Variants in CACNA2D3 observed in about 807,000 individuals in gnomAD.
CACNA2D3 encodes the protein calcium voltage-gated channel auxiliary subunit alpha2delta 3.
In CACNA2D3, 60 loss-of-function variants were observed where a neutral mutation model predicts 160.6. That is an observed-to-expected ratio of 0.37 (90% CI 0.30 to 0.46). The LOEUF (loss-of-function observed/expected upper bound fraction) is 0.46. Ranked by LOEUF, CACNA2D3 falls within the 20% of genes least tolerant of loss-of-function variation. The pLI, the probability that CACNA2D3 is intolerant of heterozygous loss-of-function variation, is 1.00. For missense variants in CACNA2D3, 1,205 were observed against 1,365.0 expected, an observed-to-expected ratio of 0.88 and a Z score of 1.85; for synonymous variants, 558 against 492.9, an observed-to-expected ratio of 1.13 and a Z score of -1.75.
At chr3:54,728,912 A>C (rs1055609623) in intron 11 of CACNA2D3, among the ~76,000 whole-genome samples, 1 of 152,092 alleles carries the variant, frequency 6.6e-6, no homozygotes, top group Non-Finnish European at 1.5e-5. Flanking sequence ...GCTGCTTTCT[A>C]CTTGGTTTTA....
intron 27 of CACNA2D3, among the ~76,000 whole-genome samples, chr3:54,933,051 C>T (rs897461174): frequency 2.9e-5 from 4 of 139,542 alleles, no homozygotes; most frequent in African/African-American, 5.4e-5. Flanking sequence ...ATCCATCCCT[C>T]CCTTCCTTCC....
chr3:54,683,617 C>T (rs920045156), intron 11 of CACNA2D3, among the ~76,000 whole-genome samples: 3 of 152,098 alleles, frequency 2.0e-5, no homozygotes, highest in African/African-American at 7.2e-5. Context: ...GGAAAGCGAC[C>T]CTCCAGTGTT....
intron 2 of CACNA2D3, among the ~76,000 whole-genome samples, chr3:54,213,761 A>G (rs1319178003): frequency 7.2e-5 from 11 of 152,230 alleles, no homozygotes; most frequent in African/African-American, 2.7e-4. Flanking sequence ...ATGGGGATTC[A>G]TAATGCAGAA....
At chr3:54,160,138 G>A (rs1700315480) in intron 2 of CACNA2D3, among the ~76,000 whole-genome samples, 1 of 152,166 alleles carries the variant, frequency 6.6e-6, no homozygotes. Flanking sequence ...CACATGGTCT[G>A]CACAGGAGAA....
chr3:54,662,285 C>CT (rs1210291199), intron 11 of CACNA2D3, among the ~76,000 whole-genome samples: 2 of 152,110 alleles, frequency 1.3e-5, no homozygotes, highest in African/African-American at 4.8e-5. Flanking sequence ...ATAACTCAAA[C>CT]TTTCATGGAT....
At chr3:54,516,339 C>T (rs1349857176) in intron 5 of CACNA2D3, among the ~76,000 whole-genome samples, 5 of 152,136 alleles carry the variant, frequency 3.3e-5, no homozygotes, top group Non-Finnish European at 7.3e-5. Flanking sequence ...AAAGTGCCAC[C>T]GTCTGAACTC....
chr3:54,282,529 A>G (rs1184533593), intron 2 of CACNA2D3, among the ~76,000 whole-genome samples: 1 of 152,188 alleles, frequency 6.6e-6, no homozygotes, highest in African/African-American at 2.4e-5. Context: ...AGGAATGGAA[A>G]CTTAGAAGTC....
intron 27 of CACNA2D3, chr3:54,924,685 T>C (rs375455022): frequency 1.9e-6 from 3 of 1,614,136 alleles, no homozygotes; most frequent in Non-Finnish European, 1.7e-6. Context: ...TTCCAGAGGT[T>C]GTCCTTGAGA....
At chr3:54,742,979 A>G (rs1701684187) in intron 11 of CACNA2D3, among the ~76,000 whole-genome samples, 1 of 152,254 alleles carries the variant, frequency 6.6e-6, no homozygotes, top group African/African-American at 2.4e-5. Context: ...TAGAGAAAGT[A>G]AAATCTCAAC....
At chr3:54,461,785 G>C (rs1254191246) in intron 4 of CACNA2D3, among the ~76,000 whole-genome samples, 1 of 151,884 alleles carries the variant, frequency 6.6e-6, no homozygotes, top group Admixed American at 6.5e-5. Flanking sequence ...CTTCAGTTCT[G>C]CTCTGATTTT....
At chr3:54,944,179 A>G (rs1201549843) in intron 27 of CACNA2D3, among the ~76,000 whole-genome samples, 1 of 151,848 alleles carries the variant, frequency 6.6e-6, no homozygotes, top group African/African-American at 2.4e-5. Flanking sequence ...CATGTTCATT[A>G]TGCCAGGATG....
At chr3:54,638,528 A>G (rs1470960529) in intron 10 of CACNA2D3, 2 of 152,014 alleles carry the variant, frequency 1.3e-5, no homozygotes, top group East Asian at 3.9e-4. Context: ...CGGCCTGGCA[A>G]GGAGCAGCCT....
intron 9 of CACNA2D3, among the ~76,000 whole-genome samples, chr3:54,600,563 T>C (rs926071490): frequency 6.6e-6 from 1 of 152,080 alleles, no homozygotes; most frequent in Non-Finnish European, 1.5e-5. Context: ...AGCATTCCAC[T>C]CAGGGGTCAG....
intron 11 of CACNA2D3, among the ~76,000 whole-genome samples, chr3:54,691,936 C>G: frequency 6.6e-6 from 1 of 152,164 alleles, no homozygotes; most frequent in Non-Finnish European, 1.5e-5. Context: ...TCATTTATTA[C>G]AAACAGCTGA....
At chr3:54,707,022 T>C (rs1360620555) in intron 11 of CACNA2D3, among the ~76,000 whole-genome samples, 1 of 152,218 alleles carries the variant, frequency 6.6e-6, no homozygotes, top group Non-Finnish European at 1.5e-5. Context: ...AAGTTATTTC[T>C]CTTACAAAGG....
intron 11 of CACNA2D3, among the ~76,000 whole-genome samples, chr3:54,648,423 T>C (rs1435126470): frequency 6.6e-6 from 1 of 152,218 alleles, no homozygotes; most frequent in Non-Finnish European, 1.5e-5. Context: ...AAAAATTTAC[T>C]ATCAAGCCCT....
At chr3:54,897,452 C>A (rs767566601) in intron 26 of CACNA2D3, among the ~76,000 whole-genome samples, 9 of 152,232 alleles carry the variant, frequency 5.9e-5, no homozygotes, top group Admixed American at 2.0e-4. Flanking sequence ...TGTCTTATTT[C>A]CACCAGTTTT....
At chr3:54,635,317 A>C (rs1699347231) in intron 10 of CACNA2D3, among the ~76,000 whole-genome samples, 1 of 152,022 alleles carries the variant, frequency 6.6e-6, no homozygotes, top group Non-Finnish European at 1.5e-5. Flanking sequence ...TCCTGCCAGC[A>C]AAGATTATTT....
chr3:55,003,050 G>A (rs1426842299), intron 31 of CACNA2D3, among the ~76,000 whole-genome samples: 1 of 152,132 alleles, frequency 6.6e-6, no homozygotes, highest in African/African-American at 2.4e-5. Flanking sequence ...AGGTCGGTGT[G>A]AAACAGAGCC....
Sources: gnomAD v4.1 joint callset for allele counts (sites outside exome capture counted in the v4.1 genomes callset) on GRCh38, gnomAD v4.1.1 for gene constraint, MANE v1.5 for transcripts, NCBI Gene and HGNC (gene_info 2026-07-23, HGNC 2026-07-21) for gene names.